PCDHGA7: variants seen among roughly 807,000 people sequenced by gnomAD.
PCDHGA7 encodes protocadherin gamma subfamily A, 7.
A neutral mutation model predicts 58.3 loss-of-function variants in PCDHGA7; 44 were observed. That is an observed-to-expected ratio of 0.75 (90% CI 0.59 to 0.97). The LOEUF (loss-of-function observed/expected upper bound fraction) is 0.97. Ranked by LOEUF, PCDHGA7 falls within the 50% of genes least tolerant of loss-of-function variation. PCDHGA7 has a pLI of 0.00. For synonymous variants in PCDHGA7, 516 were observed against 504.2 expected (o/e 1.02, Z -0.31); for missense variants, 1,266 against 1,188.7 (o/e 1.06, Z -0.96).
chr5:141,386,566 T>C (rs577943993), intron 1 of PCDHGA7, among the ~76,000 whole-genome samples: 30 of 152,200 alleles, frequency 2.0e-4, no homozygotes, highest in African/African-American at 7.2e-4. Flanking sequence ...TTGCACATGA[T>C]AGACTCTGTA....
At chr5:141,418,196 C>G in intron 1 of PCDHGA7, 1 of 1,614,032 alleles carries the variant, frequency 6.2e-7, no homozygotes, top group Non-Finnish European at 8.5e-7. Context: ...GGTGGAAAAT[C>G]CTTTAAATAT....
Position 141,383,367 on chromosome 5 carries a change from G to C in PCDHGA7, c.468G>C (p.Glu156Asp). ...CTGGGGTTCGGTTTCCGTTAAGCGA[G>C]GCTGGGGATCCAGATGTGGGCACGA... ...TAPGVRFPLSEAGDPDVGTNS... is the reference protein window; with the variant it reads ...TAPGVRFPLSDAGDPDVGTNS... Residue 156 changes from glutamate (E) to aspartate (D), a missense_variant, in exon 1 of 4, where the codon GAG (glutamate) becomes GAC (aspartate). Glu to Asp is a conservative substitution (Grantham distance 45). Coordinates refer to ENST00000518325, the MANE Select transcript of PCDHGA7 (RefSeq NM_018920.4). 1.2e-6 allele frequency: 2 copies of C among 1,614,030 alleles called. No individual in the cohort carries two copies. The highest frequency in any genetic ancestry group is 1.7e-6 in the Non-Finnish European group (2 of 1,179,910).
At chr5:141,410,039 G>A (rs1413013254) in intron 1 of PCDHGA7, 2 of 1,613,264 alleles carry the variant, frequency 1.2e-6, no homozygotes, top group South Asian at 1.1e-5. Context: ...GCAGGCCAGT[G>A]AGCCCGGACT....
At chr5:141,469,312 C>T (rs1387258560) in intron 1 of PCDHGA7, among the ~76,000 whole-genome samples, 2 of 152,064 alleles carry the variant, frequency 1.3e-5, no homozygotes, top group Non-Finnish European at 2.9e-5. Flanking sequence ...CACGATGGCT[C>T]ACGCCTGTAA....
chr5:141,386,595 AT>A (rs373179212), intron 1 of PCDHGA7, among the ~76,000 whole-genome samples: 3,552 of 145,572 alleles, frequency 0.024, 119 homozygotes, highest in African/African-American at 0.079. Flanking sequence ...TGGGGGATAC[AT>A]TTTTTTTTTT....
At chr5:141,495,613 G>A (rs1230710705) in intron 2 of PCDHGA7, among the ~76,000 whole-genome samples, 2 of 152,068 alleles carry the variant, frequency 1.3e-5, no homozygotes, top group Non-Finnish European at 2.9e-5. Flanking sequence ...CTTGATTGCT[G>A]CACCTCAGCC....
intron 1 of PCDHGA7, chr5:141,408,349 C>T: frequency 6.2e-7 from 1 of 1,613,924 alleles, no homozygotes; most frequent in Non-Finnish European, 8.5e-7. Context: ...TGGTGGGGAA[C>T]CTCGCTAAGG....
chr5:141,477,565 C>T lies in PCDHGA7; in HGVS notation c.2425-17242C>T, dbSNP rs1168703868. 3.1e-6 allele frequency: 5 copies of T among 1,614,146 alleles called. No homozygotes were observed. The highest frequency in any genetic ancestry group is 4.2e-6 in the Non-Finnish European group (5 of 1,180,030). On this transcript the variant is annotated intron_variant, in intron 1 of 3. Transcript: ENST00000518325. The surrounding 1 kb of genome is among the most constrained non-coding windows in gnomAD (Gnocchi z 4.9). ...CAATACTAAACCTAAGTGTCTGGGA[C>T]CCCGACGCCCCGCAGAATGCTCGGC... is the stretch of plus-strand genomic sequence containing the variant.
chr5:141,444,800 A>G (rs1294854513), intron 1 of PCDHGA7, among the ~76,000 whole-genome samples: 1 of 152,078 alleles, frequency 6.6e-6, no homozygotes, highest in East Asian at 1.9e-4. Flanking sequence ...CTATTCTTTT[A>G]CTAATAGCAC....
chr5:141,402,369 A>C (rs1281295306), intron 1 of PCDHGA7, among the ~76,000 whole-genome samples: 1 of 152,066 alleles, frequency 6.6e-6, no homozygotes, highest in Non-Finnish European at 1.5e-5. Context: ...ACTTCCAAAC[A>C]AGATTGCACA....
chr5:141,424,391 C>T (rs2096818270), intron 1 of PCDHGA7: 1 of 152,106 alleles, frequency 6.6e-6, no homozygotes, highest in South Asian at 2.1e-4. Flanking sequence ...GATGTCTTTT[C>T]CATTACTATG....
At chr5:141,400,357 T>C (rs769075513) in intron 1 of PCDHGA7, 1 of 1,614,052 alleles carries the variant, frequency 6.2e-7, no homozygotes, top group Non-Finnish European at 8.5e-7. Flanking sequence ...TCAGGGGACT[T>C]TGCCTTATTC....
At chr5:141,455,020 G>A (rs201196115) in intron 1 of PCDHGA7, among the ~76,000 whole-genome samples, 1 of 151,166 alleles carries the variant, frequency 6.6e-6, no homozygotes, top group African/African-American at 2.4e-5. Context: ...CACCGTGTTA[G>A]CCAGGATGGT....
In PCDHGA7 at chr5:141,511,074, C is replaced by G; in HGVS notation, c.2700C>G (p.Ser900Arg). 1.2e-6 allele frequency: 2 copies of G among 1,614,238 alleles called. No homozygotes were observed. The highest frequency in any genetic ancestry group is 1.7e-6 in the Non-Finnish European group (2 of 1,180,040). ...GCCAGAATGTCTACATCCCAGGCAGCAATGCCACACTGACCAACGCAGCTG... is the reference window on the plus strand; with the variant it reads ...GCCAGAATGTCTACATCCCAGGCAGGAATGCCACACTGACCAACGCAGCTG... The part of the protein sequence containing the change: ...DYRQNVYIPG[S>R]NATLTNAAGK... Residue 900 changes from serine (S) to arginine (R), a missense_variant, in exon 4 of 4, where the codon AGC becomes AGG. Coordinates refer to ENST00000518325, the MANE Select transcript of PCDHGA7 (RefSeq NM_018920.4).
intron 1 of PCDHGA7, chr5:141,442,111 C>A: frequency 6.0e-6 from 1 of 166,354 alleles, no homozygotes; most frequent in Non-Finnish European, 1.3e-5. Context: ...CACTACCGCC[C>A]CTCGTCGCCG....
intron 3 of PCDHGA7, among the ~76,000 whole-genome samples, chr5:141,505,782 T>A (rs1163025757): frequency 6.6e-6 from 1 of 152,204 alleles, no homozygotes; most frequent in Non-Finnish European, 1.5e-5. Context: ...CTAGCTCTGC[T>A]ACTATCCTTG....
Position 141,511,345 on chromosome 5 carries a change from TC to T in PCDHGA7, c.*179del, listed in dbSNP as rs535135679. On this transcript the variant is annotated 3_prime_UTR_variant, in exon 4 of 4. Coordinates refer to ENST00000518325, the MANE Select transcript of PCDHGA7 (RefSeq NM_018920.4). ...AAGTGCCCAGTCAGCACCTACCCCTTCCCCCCCAGGGGGTTGAATATGCAAA... is the reference window on the plus strand; with the variant it reads ...AAGTGCCCAGTCAGCACCTACCCCTTCCCCCCAGGGGGTTGAATATGCAAA... The T allele has an allele frequency of 2.2e-5, 31 of 1,410,342 alleles. No individual in the cohort carries two copies. Among genetic ancestry groups the T allele is most frequent in the South Asian group, 2.9e-5 (2 of 68,200 alleles). 87.4% of individuals were successfully genotyped at this position (1,410,342 alleles called of 1,614,324 possible). A position where few individuals can be genotyped will look rare whatever the true frequency, so the allele number is the denominator to read the frequency against.
intron 1 of PCDHGA7, chr5:141,409,980 C>T (rs2095343394): frequency 6.2e-7 from 1 of 1,613,322 alleles, no homozygotes; most frequent in Non-Finnish European, 8.5e-7. Context: ...AAGGTGGTAG[C>T]GGTGGACGCC....
chr5:141,388,226 G>A, intron 1 of PCDHGA7: 1 of 1,605,056 alleles, frequency 6.2e-7, no homozygotes, highest in Non-Finnish European at 8.5e-7. Flanking sequence ...AAAATCCACT[G>A]AACTTTTATC....
Sources: allele counts gnomAD v4.1 joint callset (sites outside exome capture counted in the v4.1 genomes callset), GRCh38; gene constraint gnomAD v4.1.1; non-coding constraint Gnocchi (gnomAD v3.1); transcripts MANE v1.5; gene names NCBI Gene and HGNC (gene_info 2026-07-23, HGNC 2026-07-21).